Variants in GLI3 observed in about 807,000 individuals in gnomAD.
GLI3 encodes the protein transcription activator GLI3.
A neutral mutation model predicts 100.8 loss-of-function variants in GLI3; 20 were observed. That is an observed-to-expected ratio of 0.20 (90% CI 0.14 to 0.29). The LOEUF (loss-of-function observed/expected upper bound fraction) is 0.29, where lower values mean the gene tolerates loss of function less well. Among genes scored for constraint, GLI3 ranks in the 10% least tolerant of loss-of-function variants. The pLI is 1.00. For missense variants in GLI3, 2,040 were observed against 2,128.5 expected, an observed-to-expected ratio of 0.96 and a Z score of 0.82; for synonymous variants, 938 against 860.5, an observed-to-expected ratio of 1.09 and a Z score of -1.58.
chr7:42,175,930 G>T (rs548838930), intron 2 of GLI3, among the ~76,000 whole-genome samples: 1 of 151,820 alleles, frequency 6.6e-6, no homozygotes, highest in Non-Finnish European at 1.5e-5. Context: ...CTTCCCTAAG[G>T]CCACACAGCA....
chr7:42,260,870 C>T (rs895227918), intron 1 of GLI3, among the ~76,000 whole-genome samples: 1 of 151,072 alleles, frequency 6.6e-6, no homozygotes, highest in African/African-American at 2.4e-5. Flanking sequence ...AAGGATGACT[C>T]CTGGTTTTTG....
chr7:42,080,705 T>G (rs745703641), intron 3 of GLI3, among the ~76,000 whole-genome samples: 6 of 152,180 alleles, frequency 3.9e-5, no homozygotes, highest in South Asian at 2.1e-4. Context: ...ACGTGGCATC[T>G]CATGGCATTA....
At position 41,965,694 on chromosome 7, in the gene GLI3, C is replaced by T. The variant is rs370676430; in HGVS notation, c.3379G>A (p.Gly1127Ser). 3 of 1,613,532 alleles carry T rather than the reference C, an allele frequency of 1.9e-6. No homozygotes were observed. The highest frequency in any genetic ancestry group is 4.5e-5 in the East Asian group (2 of 44,832). The change falls in exon 15 of 15, where the codon GGT (glycine) becomes AGT (serine). Residue 1127 changes from glycine (G) to serine (S), a missense_variant. Gly to Ser is a moderately conservative substitution (Grantham distance 56, BLOSUM62 0). Transcript: ENST00000395925. ...PDDSKVPHGP[G>S]DFDAPGLPDS... ...GGCAGCCCGGGCGCGTCAAAGTCAC[C>T]GGGCCCGTGGGGCACTTTGCTGTCG... is the stretch of plus-strand genomic sequence containing the variant.
chr7:42,212,611 G>A (rs932533807), intron 2 of GLI3, among the ~76,000 whole-genome samples: 9 of 152,142 alleles, frequency 5.9e-5, no homozygotes, highest in African/African-American at 4.8e-5. Context: ...CTAATTTTGC[G>A]GATTGAGAGC....
At chr7:42,109,687 G>C (rs1023595616) in intron 3 of GLI3, among the ~76,000 whole-genome samples, 1 of 152,178 alleles carries the variant, frequency 6.6e-6, no homozygotes, top group African/African-American at 2.4e-5. Flanking sequence ...TCTGGGACGA[G>C]AGGTTTCAGA....
At chr7:42,056,019 G>A (rs1255172022) in intron 4 of GLI3, among the ~76,000 whole-genome samples, 2 of 152,012 alleles carry the variant, frequency 1.3e-5, no homozygotes, top group Non-Finnish European at 1.5e-5. Context: ...TTTTATAGAG[G>A]GGAGTTTCCC....
intron 1 of GLI3, among the ~76,000 whole-genome samples, chr7:42,232,730 C>T (rs1788718034): frequency 1.3e-5 from 2 of 152,292 alleles, no homozygotes; most frequent in South Asian, 4.1e-4. Context: ...ACCACAGATG[C>T]AGATGTGGAG....
chr7:41,968,096 G>A (rs1787239087), intron 13 of GLI3, among the ~76,000 whole-genome samples, 173 bp from the exon 14 acceptor site: 1 of 152,152 alleles, frequency 6.6e-6, no homozygotes, highest in African/African-American at 2.4e-5. Context: ...AATGACGGAT[G>A]GACCACCAGG....
At chr7:42,026,000 GA>G (rs1266749396) in intron 8 of GLI3, among the ~76,000 whole-genome samples, 198 bp downstream of exon 8, 2 of 152,156 alleles carry the variant, frequency 1.3e-5, no homozygotes, top group African/African-American at 4.8e-5. Context: ...GACCCTGGGG[GA>G]AAAAACTGTT....
At chr7:42,179,201 T>A (rs1051839848) in intron 2 of GLI3, among the ~76,000 whole-genome samples, 2 of 152,176 alleles carry the variant, frequency 1.3e-5, no homozygotes, top group African/African-American at 4.8e-5. Flanking sequence ...TCTTGTCTGC[T>A]GCCATGTGAG....
At chr7:42,075,964 A>G (rs568914184) in intron 4 of GLI3, among the ~76,000 whole-genome samples, 1 of 152,326 alleles carries the variant, frequency 6.6e-6, no homozygotes, top group African/African-American at 2.4e-5. Context: ...GTGCTTTTCT[A>G]ACTTTACTGT....
intron 10 of GLI3, among the ~76,000 whole-genome samples, chr7:42,021,471 G>T (rs564646592): frequency 6.6e-6 from 1 of 152,106 alleles, no homozygotes; most frequent in African/African-American, 2.4e-5. Context: ...AAAACATCGA[G>T]ACCATCGGCC....
chr7:42,126,919 C>T (rs1401937763), intron 3 of GLI3, among the ~76,000 whole-genome samples: 1 of 152,102 alleles, frequency 6.6e-6, no homozygotes, highest in Non-Finnish European at 1.5e-5. Context: ...TGTCTCCAGC[C>T]CAAAAGAGTG....
intron 10 of GLI3, among the ~76,000 whole-genome samples, chr7:42,010,448 T>G (rs1203262986): frequency 6.6e-6 from 1 of 152,226 alleles, no homozygotes; most frequent in Non-Finnish European, 1.5e-5. Context: ...AATAGACAGA[T>G]GCCTCTTCTG....
chr7:41,962,486 A>G lies in GLI3; in HGVS notation c.*1844T>C, dbSNP rs1438085210. ...GTTATGGGGCTGTTCCAAAGGAGAC[A>G]CATCCGTTAATTTCAAAGAAGACTT... is the stretch of plus-strand genomic sequence containing the variant. On this transcript the variant is annotated 3_prime_UTR_variant, in exon 15 of 15. Transcript: ENST00000395925. The G allele has an allele frequency of 1.3e-5, 2 of 152,258 alleles. No homozygotes were observed. The highest frequency in any genetic ancestry group is 2.9e-5 in the Non-Finnish European group (2 of 68,054). The allele number at this position is 152,258 out of a possible 1,614,324, so 9.4% of individuals were successfully genotyped here. A position where few individuals can be genotyped will look rare whatever the true frequency, so the allele number is the denominator to read the frequency against.
chr7:42,257,769 C>A (rs1789100318), intron 1 of GLI3, among the ~76,000 whole-genome samples: 1 of 151,908 alleles, frequency 6.6e-6, no homozygotes, highest in South Asian at 2.1e-4. Context: ...TGAATGGATA[C>A]TGAGTTTGTC....
At chr7:42,125,840 A>G (rs1786113795) in intron 3 of GLI3, among the ~76,000 whole-genome samples, 1 of 152,234 alleles carries the variant, frequency 6.6e-6, no homozygotes, top group Non-Finnish European at 1.5e-5. Flanking sequence ...GCGCCAAGAT[A>G]GGAAAGCTGC....
chr7:42,015,639 G>GAAA (rs1788737563), intron 10 of GLI3, among the ~76,000 whole-genome samples: 1 of 151,604 alleles, frequency 6.6e-6, no homozygotes, highest in African/African-American at 2.4e-5. Context: ...TCTCCACCAA[G>GAAA]AAAACGGGCT....
intron 2 of GLI3, among the ~76,000 whole-genome samples, chr7:42,221,996 A>G (rs1788495647): frequency 6.6e-6 from 1 of 152,156 alleles, no homozygotes; most frequent in South Asian, 2.1e-4. Context: ...CTCCTTCCCT[A>G]CCCAGTACAG....
Sources: allele counts gnomAD v4.1 joint callset (sites outside exome capture counted in the v4.1 genomes callset), GRCh38; gene constraint gnomAD v4.1.1; transcripts MANE v1.5; gene names NCBI Gene and HGNC (gene_info 2026-07-23, HGNC 2026-07-21).